USP8: variants seen among roughly 807,000 people sequenced by gnomAD.
USP8 encodes ubiquitin carboxyl-terminal hydrolase 8.
In USP8, 27 loss-of-function variants were observed where a neutral mutation model predicts 130.0. That is an observed-to-expected ratio of 0.21 (90% CI 0.15 to 0.29). The LOEUF is 0.29. Ranked by LOEUF, USP8 falls within the 10% of genes least tolerant of loss-of-function variation. USP8 has a pLI of 1.00. For missense variants in USP8, 1,029 were observed against 1,312.2 expected (o/e 0.78, Z 3.33); for synonymous variants, 392 against 444.1 (o/e 0.88, Z 1.48).
At chr15:50,430,868 AT>A (rs905868560) in intron 1 of USP8, among the ~76,000 whole-genome samples, 3 of 152,114 alleles carry the variant, frequency 2.0e-5, no homozygotes, top group African/African-American at 7.2e-5. Context: ...GTTGGGGGTA[AT>A]TTTGCCTTCC....
At chr15:50,497,744 T>A (rs1595995428) in intron 18 of USP8, 2 of 152,168 alleles carry the variant, frequency 1.3e-5, no homozygotes, top group Admixed American at 6.5e-5. Context: ...ACGAACCAGA[T>A]CTTTTGCTGA....
At chr15:50,475,791 C>T (rs1451465378) in intron 8 of USP8, among the ~76,000 whole-genome samples, 1 of 151,872 alleles carries the variant, frequency 6.6e-6, no homozygotes, top group Non-Finnish European at 1.5e-5. Flanking sequence ...TTAGTAGAGA[C>T]GGGGTTTCAC....
At chr15:50,478,595 C>T (rs1021666699) in intron 10 of USP8, among the ~76,000 whole-genome samples, 1 of 152,104 alleles carries the variant, frequency 6.6e-6, no homozygotes, top group Non-Finnish European at 1.5e-5. Context: ...TGTGATTAAA[C>T]AACTTTTCTT....
chr15:50,428,781 T>G (rs886822079), intron 1 of USP8, among the ~76,000 whole-genome samples: 6 of 152,030 alleles, frequency 3.9e-5, no homozygotes, highest in East Asian at 3.9e-4. Context: ...AGGTTTTTGG[T>G]TTTTTTTCTT....
chr15:50,448,678 C>T (rs2050516976), intron 3 of USP8, among the ~76,000 whole-genome samples: 1 of 152,002 alleles, frequency 6.6e-6, no homozygotes, highest in African/African-American at 2.4e-5. Flanking sequence ...TACCACCACA[C>T]CCAGCTGGTT....
chr15:50,471,717 A>G lies in USP8; in HGVS notation c.771A>G (p.Val257=), dbSNP rs543838691. 19 of 1,614,126 alleles carry G rather than the reference A, an allele frequency of 1.2e-5. No individual in the cohort carries two copies. In the Admixed American group the frequency reaches 1.8e-4, roughly 16 times the overall value. ...WKKRGNVEYV[V]LLDWFSSAKD... ...AGAGGGGGAATGTGGAGTATGTGGT[A>G]CTTCTTGACTGGTTTAGTTCTGCCA... The change falls in exon 8 of 20, where the codon GTA becomes GTG. Residue 257 remains valine (V), a synonymous_variant. Coordinates refer to ENST00000307179, the MANE Select transcript of USP8 (RefSeq NM_005154.5).
At chr15:50,441,277 G>A in intron 2 of USP8, 72 bp from the exon 3 acceptor site, 4 of 1,386,568 alleles carry the variant, frequency 2.9e-6, no homozygotes, top group Non-Finnish European at 3.8e-6. Context: ...ATTATCTGTG[G>A]ACTTTGTATA....
intron 4 of USP8, among the ~76,000 whole-genome samples, chr15:50,454,252 A>G (rs1160486638): frequency 6.6e-6 from 1 of 152,128 alleles, no homozygotes; most frequent in Non-Finnish European, 1.5e-5. Flanking sequence ...CAGAGCTGCT[A>G]TTCCACTGTC....
In USP8 at chr15:50,506,393, A is replaced by G. The variant is rs1024185123; in HGVS notation, c.*7305A>G. On this transcript the variant is annotated 3_prime_UTR_variant, in exon 20 of 20. Coordinates refer to ENST00000307179, the MANE Select transcript of USP8 (RefSeq NM_005154.5). Reference sequence around the variant, plus strand: ...GAGGGATCTAGGTTGCGTGCTCCTTATGAGAATCTACTGCCTGATTTTCTG... The same window carrying G: ...GAGGGATCTAGGTTGCGTGCTCCTTGTGAGAATCTACTGCCTGATTTTCTG... 6.6e-6 allele frequency: 1 copy of G among 152,166 alleles called. No individual in the cohort carries two copies. Among genetic ancestry groups the G allele is most frequent in the African/African-American group, 2.4e-5 (1 of 41,420 alleles). The allele number at this position is 152,166 out of a possible 1,614,324, so 9.4% of individuals were successfully genotyped here.
chr15:50,501,373 T>C lies in USP8; in HGVS notation c.*2285T>C, dbSNP rs906862404. ...CCTGTAGTCCCAGCTACTTGGGAAG[T>C]TGGGGTGGGAGGATCTCTCGAGCCT... On this transcript the variant is annotated 3_prime_UTR_variant, in exon 20 of 20. Transcript: ENST00000307179. 4 of 150,108 alleles carry C rather than the reference T, an allele frequency of 2.7e-5. No individual in the cohort carries two copies. The highest frequency in any genetic ancestry group is 5.9e-5 in the Non-Finnish European group (4 of 67,874). 9.3% of individuals were successfully genotyped at this position (150,108 alleles called of 1,614,324 possible).
chr15:50,449,556 T>A, intron 4 of USP8, 71 bp downstream of exon 4: 5 of 1,138,498 alleles, frequency 4.4e-6, no homozygotes, highest in Non-Finnish European at 6.0e-6. Context: ...GATTTACCGA[T>A]TTATATCTGA....
chr15:50,475,982 A>T (rs925598007), intron 8 of USP8, among the ~76,000 whole-genome samples: 9 of 152,180 alleles, frequency 5.9e-5, no homozygotes, highest in Non-Finnish European at 2.9e-5. Flanking sequence ...CGTGTACCTT[A>T]GCTTAAGCAA....
intron 11 of USP8, among the ~76,000 whole-genome samples, chr15:50,483,127 CT>C (rs1302702094): frequency 6.6e-6 from 1 of 152,298 alleles, no homozygotes; most frequent in East Asian, 1.9e-4. Context: ...AGTATTTTCA[CT>C]GCATTGTCTT....
At chr15:50,448,542 CAG>C (rs1360199682) in intron 3 of USP8, among the ~76,000 whole-genome samples, 6 of 148,112 alleles carry the variant, frequency 4.1e-5, no homozygotes, top group African/African-American at 7.5e-5. Flanking sequence ...TTTTTTAAGA[CAG>C]AGTTTCGTTC....
At chr15:50,444,325 G>A (rs1184438771) in intron 3 of USP8, among the ~76,000 whole-genome samples, 1 of 150,902 alleles carries the variant, frequency 6.6e-6, no homozygotes, top group Admixed American at 6.6e-5. Flanking sequence ...GGCTGATCTC[G>A]AACTCCTGAC....
At chr15:50,437,082 C>G (rs574390467) in intron 1 of USP8, among the ~76,000 whole-genome samples, 71 of 152,222 alleles carry the variant, frequency 4.7e-4, no homozygotes, top group Admixed American at 2.5e-3. Flanking sequence ...TCTGGATACT[C>G]TCTTCATATT....
In USP8 at chr15:50,512,339, A is replaced by G. The variant is rs997254816; in HGVS notation, c.*13251A>G. ...CAAGACTCTGTTAAAAAAAAAAAAAATAGCGAGAGATCGAGAGAGAGTGCA... is the reference window on the plus strand; with the variant it reads ...CAAGACTCTGTTAAAAAAAAAAAAAGTAGCGAGAGATCGAGAGAGAGTGCA... On this transcript the variant is annotated 3_prime_UTR_variant, in exon 20 of 20. Transcript: ENST00000307179. 1 of 151,602 alleles carries G rather than the reference A, an allele frequency of 6.6e-6. No individual in the cohort carries two copies. The highest frequency in any genetic ancestry group is 1.5e-5 in the Non-Finnish European group (1 of 68,046). 9.4% of individuals were successfully genotyped at this position (151,602 alleles called of 1,614,324 possible).
At chr15:50,496,553 A>G (rs1361960434) in intron 17 of USP8, among the ~76,000 whole-genome samples, 1 of 151,092 alleles carries the variant, frequency 6.6e-6, no homozygotes, top group Non-Finnish European at 1.5e-5. Flanking sequence ...AGGCCTATGT[A>G]GATTAGAAAG....
chr15:50,476,832 G>T lies in USP8; in HGVS notation c.850-17G>T, dbSNP rs2051582887. The stretch of plus-strand genomic sequence containing the variant: ...AAGATTGCTGCCCTATTTAAAATAT[G>T]ATTTCCTTATTTATAGTGGGAAAGT... On this transcript the variant is annotated splice_polypyrimidine_tract_variant and intron_variant, in intron 8 of 19. Transcript: ENST00000307179. 2.0e-6 allele frequency: 3 copies of T among 1,534,406 alleles called. No homozygotes were observed. Among genetic ancestry groups the T allele is most frequent in the African/African-American group, 2.9e-5 (2 of 70,046 alleles).
Sources: gnomAD v4.1 joint callset for allele counts (sites outside exome capture counted in the v4.1 genomes callset) on GRCh38, gnomAD v4.1.1 for gene constraint, MANE v1.5 for transcripts, NCBI Gene and HGNC (gene_info 2026-07-23, HGNC 2026-07-21) for gene names.